The following PLCB1 variants were observed in gnomAD, a reference collection of about 807,000 sequenced individuals.
PLCB1 encodes phospholipase C beta 1, also known as 1-phosphatidylinositol 4,5-bisphosphate phosphodiesterase beta-1.
In PLCB1, 46 loss-of-function variants were observed where a neutral mutation model predicts 161.8. The ratio of observed to expected loss-of-function variants is 0.28; its 90% confidence interval spans 0.22 to 0.36. The LOEUF is 0.36. PLCB1 is among the 10% of genes least tolerant of loss of function. The pLI is 1.00. For missense variants in PLCB1, 1,016 were observed against 1,472.5 expected, an observed-to-expected ratio of 0.69 and a Z score of 5.07; for synonymous variants, 517 against 503.7, an observed-to-expected ratio of 1.03 and a Z score of -0.35.
chr20:8,449,947 G>A (rs2122643194), intron 3 of PLCB1, among the ~76,000 whole-genome samples: 1 of 152,256 alleles, frequency 6.6e-6, no homozygotes, highest in East Asian at 1.9e-4. Flanking sequence ...TAAAACCTAG[G>A]CGTATTTGGG....
chr20:8,393,195 A>G (rs1987661746), intron 3 of PLCB1, among the ~76,000 whole-genome samples: 1 of 152,086 alleles, frequency 6.6e-6, no homozygotes, highest in South Asian at 2.1e-4. Flanking sequence ...ATACCCAAGA[A>G]TTACTGATTT....
At chr20:8,752,501 GTGTACCTA>G (rs765367420) in intron 23 of PLCB1, among the ~76,000 whole-genome samples, 26 of 152,092 alleles carry the variant, frequency 1.7e-4, no homozygotes, top group Admixed American at 3.3e-4. Flanking sequence ...CAATTAAAAT[GTGTACCTA>G]TGGGCTGGGC....
chr20:8,859,569 C>G (rs1987185804), intron 31 of PLCB1, among the ~76,000 whole-genome samples: 1 of 151,862 alleles, frequency 6.6e-6, no homozygotes, highest in African/African-American at 2.4e-5. Context: ...TTTTGAAAAC[C>G]TTTTGGTTTT....
intron 2 of PLCB1, among the ~76,000 whole-genome samples, chr20:8,325,397 TTTAATAA>T (rs1186627011): frequency 6.6e-6 from 1 of 152,160 alleles, no homozygotes; most frequent in Non-Finnish European, 1.5e-5. Flanking sequence ...TTTAAAATAT[TTTAATAA>T]GCAACATTTG....
chr20:8,726,681 C>G (rs1979955207), intron 16 of PLCB1, among the ~76,000 whole-genome samples: 1 of 152,046 alleles, frequency 6.6e-6, no homozygotes. Flanking sequence ...GGTAACCCCC[C>G]CTTGACACTG....
intron 3 of PLCB1, among the ~76,000 whole-genome samples, chr20:8,402,568 C>T (rs1978601021): frequency 6.6e-6 from 1 of 151,712 alleles, no homozygotes; most frequent in African/African-American, 2.4e-5. Context: ...GGCGTGGTGG[C>T]TCATGTCTGT....
intron 1 of PLCB1, among the ~76,000 whole-genome samples, chr20:8,140,811 T>A (rs989332441): frequency 1.3e-5 from 2 of 152,198 alleles, no homozygotes; most frequent in Non-Finnish European, 2.9e-5. Flanking sequence ...TTTTATTTTT[T>A]TTTTTAGACG....
At chr20:8,717,565 G>A (rs1979390106) in intron 13 of PLCB1, 106 bp from the exon 14 acceptor site, 1 of 815,548 alleles carries the variant, frequency 1.2e-6, no homozygotes, top group Non-Finnish European at 2.0e-6. Context: ...TTGAAGGTAG[G>A]GAAGAAGTCT....
intron 3 of PLCB1, among the ~76,000 whole-genome samples, chr20:8,479,383 A>G (rs1183562107): frequency 6.6e-6 from 1 of 152,252 alleles, no homozygotes; most frequent in Non-Finnish European, 1.5e-5. Flanking sequence ...ACAGGAAATT[A>G]TAAAACATTA....
chr20:8,590,888 C>T (rs1987129053), intron 3 of PLCB1, among the ~76,000 whole-genome samples: 1 of 152,016 alleles, frequency 6.6e-6, no homozygotes, highest in African/African-American at 2.4e-5. Flanking sequence ...TAAACATGTG[C>T]CATGGTCATT....
At chr20:8,730,765 C>G (rs191085452) in intron 18 of PLCB1, among the ~76,000 whole-genome samples, 87 of 151,624 alleles carry the variant, frequency 5.7e-4, no homozygotes, top group African/African-American at 2.0e-3. Flanking sequence ...TGTATTAAGT[C>G]CTCAGCAAAA....
chr20:8,388,762 C>G (rs948316953), intron 3 of PLCB1, among the ~76,000 whole-genome samples: 1 of 151,806 alleles, frequency 6.6e-6, no homozygotes, highest in South Asian at 2.1e-4. Context: ...TGTGTGTGTG[C>G]GTGCATGTGT....
chr20:8,757,211 G>A (rs377123340), intron 24 of PLCB1, 33 bp downstream of exon 24: 23 of 1,581,346 alleles, frequency 1.5e-5, no homozygotes, highest in African/African-American at 1.1e-4. Flanking sequence ...GACAACATGA[G>A]CAAGATCCTC....
At chr20:8,409,812 C>G (rs1978962952) in intron 3 of PLCB1, among the ~76,000 whole-genome samples, 1 of 151,972 alleles carries the variant, frequency 6.6e-6, no homozygotes, top group African/African-American at 2.4e-5. Flanking sequence ...AGACAATAAA[C>G]AAGCAAATAA....
chr20:8,292,071 T>C (rs1983408349), intron 2 of PLCB1, among the ~76,000 whole-genome samples: 1 of 152,164 alleles, frequency 6.6e-6, no homozygotes, highest in Non-Finnish European at 1.5e-5. Flanking sequence ...GAAAATGCTT[T>C]CAAATACCTC....
chr20:8,136,901 C>T (rs1193804637), intron 1 of PLCB1, among the ~76,000 whole-genome samples: 1 of 151,924 alleles, frequency 6.6e-6, no homozygotes, highest in Non-Finnish European at 1.5e-5. Context: ...ACAAATAATC[C>T]AAAAGTTTAT....
intron 31 of PLCB1, among the ~76,000 whole-genome samples, chr20:8,796,830 A>G (rs1186846352): frequency 6.6e-6 from 1 of 152,192 alleles, no homozygotes; most frequent in Non-Finnish European, 1.5e-5. Context: ...CACATAAGAC[A>G]TTATTCTATG....
intron 31 of PLCB1, among the ~76,000 whole-genome samples, chr20:8,818,034 G>A (rs953085881): frequency 6.6e-6 from 1 of 152,128 alleles, no homozygotes; most frequent in Non-Finnish European, 1.5e-5. Flanking sequence ...CAAAGACATG[G>A]AAAATATGGT....
intron 4 of PLCB1, among the ~76,000 whole-genome samples, chr20:8,632,397 C>T (rs912280230): frequency 1.3e-5 from 2 of 152,036 alleles, no homozygotes; most frequent in African/African-American, 4.8e-5. Context: ...CTGCAATGTG[C>T]CAAGTCCTAT....
Sources: gnomAD v4.1 joint callset for allele counts (sites outside exome capture counted in the v4.1 genomes callset) on GRCh38, gnomAD v4.1.1 for gene constraint, MANE v1.5 for transcripts, NCBI Gene and HGNC (gene_info 2026-07-23, HGNC 2026-07-21) for gene names.